Variants in PLA1A observed in about 807,000 individuals in gnomAD.
PLA1A encodes phosphatidylserine-specific phospholipase A1alpha.
PLA1A carries 47 observed loss-of-function variants against 49.4 expected under a neutral mutation model. That is an observed-to-expected ratio of 0.95 (90% CI 0.75 to 1.21). The LOEUF (loss-of-function observed/expected upper bound fraction) is 1.21, where lower values mean the gene tolerates loss of function less well. Among genes scored for constraint, PLA1A ranks in the 50% most tolerant of loss-of-function variants. The probability of loss-of-function intolerance (pLI) is 0.00; values close to 1 mark genes in which losing one functional copy is unlikely to be tolerated. For missense variants in PLA1A, 561 were observed against 563.9 expected, an observed-to-expected ratio of 0.99 and a Z score of 0.05; for synonymous variants, 224 against 207.9, an observed-to-expected ratio of 1.08 and a Z score of -0.67.
At chr3:119,623,856 C>T (rs2082979925) in intron 8 of PLA1A, among the ~76,000 whole-genome samples, 1 of 151,446 alleles carries the variant, frequency 6.6e-6, no homozygotes, top group Admixed American at 6.6e-5. Context: ...TCCTTAGTAG[C>T]TGGGGTTACA....
chr3:119,605,917 A>G (rs1004370655), intron 1 of PLA1A, among the ~76,000 whole-genome samples: 4 of 152,182 alleles, frequency 2.6e-5, no homozygotes, highest in African/African-American at 4.8e-5. Context: ...TCTGTCATCT[A>G]TCTAGGCTAT....
In PLA1A at chr3:119,613,097, G is replaced by A. The variant is rs1236324212; in HGVS notation, c.643G>A (p.Ala215Thr). The A allele has an allele frequency of 6.2e-7, 1 of 1,607,704 alleles. No homozygotes were observed. Reference protein sequence around the residue: ...LDAGDALFVEAIHTDTDNLGI... With the variant: ...LDAGDALFVETIHTDTDNLGI... The stretch of plus-strand genomic sequence containing the variant: ...TGCTGGAGATGCCCTCTTCGTGGAA[G>A]CCATCCACACAGACACCGACAGTGA... The change falls in exon 5 of 11, where the codon GCC becomes ACC. Residue 215 changes from alanine to threonine, a missense_variant. Ala to Thr is a moderately conservative substitution (Grantham distance 58). Transcript: ENST00000273371.
At chr3:119,606,702 G>A (rs1424269804) in intron 1 of PLA1A, 72 bp from the exon 2 acceptor site, 1 of 1,240,314 alleles carries the variant, frequency 8.1e-7, no homozygotes, top group Non-Finnish European at 1.2e-6. Context: ...TCCTTCCAAG[G>A]TCATCTTTCT....
intron 5 of PLA1A, among the ~76,000 whole-genome samples, chr3:119,615,484 T>C (rs2082833118): frequency 6.6e-6 from 1 of 152,214 alleles, no homozygotes; most frequent in Non-Finnish European, 1.5e-5. Context: ...CAGGATATTG[T>C]TCTTGATTTT....
intron 1 of PLA1A, among the ~76,000 whole-genome samples, chr3:119,598,379 T>C (rs2082569897): frequency 6.6e-6 from 1 of 152,244 alleles, no homozygotes; most frequent in African/African-American, 2.4e-5. Flanking sequence ...AATGATTTTG[T>C]CACTGAGATT....
intron 10 of PLA1A, 83 bp from the exon 11 acceptor site, chr3:119,629,301 A>T (rs1439318628): frequency 2.4e-5 from 20 of 820,354 alleles, no homozygotes; most frequent in Non-Finnish European, 4.1e-5. Flanking sequence ...CTTTCACCAG[A>T]CATCATGGGA....
At chr3:119,602,769 C>T (rs570892466) in intron 1 of PLA1A, among the ~76,000 whole-genome samples, 2 of 152,092 alleles carry the variant, frequency 1.3e-5, no homozygotes, top group East Asian at 3.9e-4. Context: ...GTGATGATTG[C>T]TAACAAATAA....
intron 7 of PLA1A, among the ~76,000 whole-genome samples, chr3:119,618,859 T>A (rs1435335878): frequency 6.6e-6 from 1 of 152,174 alleles, no homozygotes; most frequent in Non-Finnish European, 1.5e-5. Flanking sequence ...GCCACTCAAC[T>A]GCAGCAGCCT....
chr3:119,629,514 T>TGA lies in PLA1A; in HGVS notation c.*54_*55dup, dbSNP rs58598187. On this transcript the variant is annotated 3_prime_UTR_variant, in exon 11 of 11. Transcript: ENST00000273371. ...TCTCCCTGCATTTTTTTTTTTTTTT[T>TGA]GAGAGAGAGGTGTGATGAGGGATGT... The TGA allele has an allele frequency of 8.6e-6, 9 of 1,047,950 alleles. No homozygotes were observed. Among genetic ancestry groups the TGA allele is most frequent in the South Asian group, 1.3e-5 (1 of 79,274 alleles). 64.9% of individuals were successfully genotyped at this position (1,047,950 alleles called of 1,614,324 possible).
intron 1 of PLA1A, among the ~76,000 whole-genome samples, chr3:119,600,766 T>G (rs1451386980): frequency 6.6e-6 from 1 of 152,250 alleles, no homozygotes; most frequent in Non-Finnish European, 1.5e-5. Flanking sequence ...CACTCCTGGC[T>G]GCTGATGCCT....
At position 119,629,557 on chromosome 3, in the gene PLA1A, T is replaced by A; in HGVS notation, c.*89T>A. 1.3e-6 allele frequency: 1 copy of A among 765,598 alleles called. No individual in the cohort carries two copies. The highest frequency in any genetic ancestry group is 2.3e-6 in the Non-Finnish European group (1 of 425,576). The allele number at this position is 765,598 out of a possible 1,614,324, so 47.4% of individuals were successfully genotyped here. A position where few individuals can be genotyped will look rare whatever the true frequency, so the allele number is the denominator to read the frequency against. The stretch of plus-strand genomic sequence containing the variant: ...AGGGATGTGTGTGTGCAGCTTATTG[T>A]AGACCATTACTACTAAGGAGAAAAG... On this transcript the variant is annotated 3_prime_UTR_variant, in exon 11 of 11. Coordinates refer to ENST00000273371, the MANE Select transcript of PLA1A (RefSeq NM_015900.4).
Position 119,598,049 on chromosome 3 carries a change from A to T in PLA1A, c.73+63A>T, listed in dbSNP as rs953740390. The T allele has an allele frequency of 1.1e-5, 11 of 1,036,172 alleles. No homozygotes were observed. The African/African-American group carries it at 1.1e-4, about 10-fold the overall frequency. The allele number at this position is 1,036,172 out of a possible 1,614,324, so 64.2% of individuals were successfully genotyped here. On this transcript the variant is annotated intron_variant, in intron 1 of 10. Transcript: ENST00000273371. ...AGTCAGTGATCATATTTCTCCAACT[A>T]CTTATGCAGTACTAACTTTTGGAAG...
rs1050551666 is a variant in PLA1A, at chr3:119,616,073, A to T, written c.726A>T (p.Gln242His). 1 of 1,613,192 alleles carries T rather than the reference A, an allele frequency of 6.2e-7. No individual in the cohort carries two copies. The highest frequency in any genetic ancestry group is 1.7e-4 in the Middle Eastern group (1 of 6,056). Residue 242 changes from glutamine to histidine, a missense_variant, in exon 6 of 11, where the codon CAA becomes CAT. Gln to His is a conservative substitution (Grantham distance 24). Transcript: ENST00000273371. ...VDYFVNGGQD[Q>H]PGCPTFFYAG... ...ACTTCGTCAACGGAGGCCAAGACCAACCTGGCTGCCCCACCTTCTTTTACG... is the reference window on the plus strand; with the variant it reads ...ACTTCGTCAACGGAGGCCAAGACCATCCTGGCTGCCCCACCTTCTTTTACG...
intron 1 of PLA1A, among the ~76,000 whole-genome samples, chr3:119,601,536 C>T (rs1301424928): frequency 1.3e-5 from 2 of 152,238 alleles, no homozygotes; most frequent in Non-Finnish European, 2.9e-5. Context: ...AATCTCTGGT[C>T]AGCCTGGCCA....
At position 119,629,489 on chromosome 3, in the gene PLA1A, T is replaced by C. The variant is rs946828056; in HGVS notation, c.*21T>C. 1 of 1,301,062 alleles carries C rather than the reference T, an allele frequency of 7.7e-7. No individual in the cohort carries two copies. The highest frequency in any genetic ancestry group is 1.1e-6 in the Non-Finnish European group (1 of 918,512). The allele number at this position is 1,301,062 out of a possible 1,614,324, so 80.6% of individuals were successfully genotyped here. The stretch of plus-strand genomic sequence containing the variant: ...TGTAGTTTAACCTGGGCAGGACACA[T>C]CTCCCTGCATTTTTTTTTTTTTTTT... On this transcript the variant is annotated 3_prime_UTR_variant, in exon 11 of 11. Coordinates refer to ENST00000273371, the MANE Select transcript of PLA1A (RefSeq NM_015900.4).
chr3:119,619,882 C>T (rs1306847754), intron 8 of PLA1A, among the ~76,000 whole-genome samples: 9 of 152,210 alleles, frequency 5.9e-5, no homozygotes, highest in African/African-American at 1.7e-4. Context: ...TTTCCTCTTA[C>T]CCTCAAAATT....
intron 5 of PLA1A, among the ~76,000 whole-genome samples, chr3:119,613,728 C>A (rs1409636077): frequency 1.3e-5 from 2 of 152,174 alleles, no homozygotes; most frequent in Non-Finnish European, 2.9e-5. Flanking sequence ...CCCGTCTCTA[C>A]TAAAAATACA....
intron 9 of PLA1A, among the ~76,000 whole-genome samples, chr3:119,628,006 C>CG (rs1553794994): frequency 6.9e-6 from 1 of 144,258 alleles, no homozygotes; most frequent in Non-Finnish European, 1.5e-5. Flanking sequence ...TAAAGGGAAT[C>CG]TGGGGGGGCA....
rs141460598 is a variant in PLA1A at position 119,629,578 on chromosome 3, A to G, written c.*110A>G. On this transcript the variant is annotated 3_prime_UTR_variant, in exon 11 of 11. Coordinates refer to ENST00000273371, the MANE Select transcript of PLA1A (RefSeq NM_015900.4). The stretch of plus-strand genomic sequence containing the variant: ...ATTGTAGACCATTACTACTAAGGAG[A>G]AAAGCAAAGCTCTTTCTTATTTTCC... 9.6e-4 allele frequency: 645 copies of G among 670,300 alleles called. 3 individuals carry two copies. In the African/African-American group the frequency reaches 0.011, roughly 11 times the overall value. The allele number at this position is 670,300 out of a possible 1,614,324, so 41.5% of individuals were successfully genotyped here.
Sources: allele counts gnomAD v4.1 joint callset (sites outside exome capture counted in the v4.1 genomes callset), GRCh38; gene constraint gnomAD v4.1.1; transcripts MANE v1.5; gene names NCBI Gene and HGNC (gene_info 2026-07-23, HGNC 2026-07-21).